The following KCNJ6 variants were observed in gnomAD, a reference collection of about 807,000 sequenced individuals.
KCNJ6 encodes the protein potassium inwardly rectifying channel subfamily J member 6.
KCNJ6 carries 9 observed loss-of-function variants against 34.2 expected under a neutral mutation model. The observed-to-expected ratio is 0.26, with a 90% CI of 0.16 to 0.46. The LOEUF (loss-of-function observed/expected upper bound fraction) is 0.46, where lower values mean the gene tolerates loss of function less well. KCNJ6 is among the 20% of genes least tolerant of loss of function. The probability of loss-of-function intolerance (pLI) is 1.00; values close to 1 mark genes in which losing one functional copy is unlikely to be tolerated. For missense variants in KCNJ6, 236 were observed against 531.3 expected, an observed-to-expected ratio of 0.44 and a Z score of 5.46; for synonymous variants, 196 against 207.1, an observed-to-expected ratio of 0.95 and a Z score of 0.46.
chr21:37,773,730 G>T (rs1190064313), intron 2 of KCNJ6, among the ~76,000 whole-genome samples: 1 of 152,120 alleles, frequency 6.6e-6, no homozygotes, highest in East Asian at 1.9e-4. Flanking sequence ...CTGCACCAGG[G>T]CTGACAGTAC....
At chr21:37,905,757 T>C (rs1601525427) in intron 1 of KCNJ6, among the ~76,000 whole-genome samples, 1 of 152,332 alleles carries the variant, frequency 6.6e-6, no homozygotes, top group Admixed American at 6.5e-5. Flanking sequence ...GGAACTGAAG[T>C]CAGGGCATTT....
At chr21:37,713,655 T>G (rs1042770615) in intron 3 of KCNJ6, among the ~76,000 whole-genome samples, 1 of 152,208 alleles carries the variant, frequency 6.6e-6, no homozygotes, top group African/African-American at 2.4e-5. Context: ...CTAGAGTTAT[T>G]TACTGTGTCT....
At chr21:37,899,544 A>T (rs867469982) in intron 1 of KCNJ6, among the ~76,000 whole-genome samples, 2 of 152,140 alleles carry the variant, frequency 1.3e-5, no homozygotes, top group Non-Finnish European at 1.5e-5. Context: ...ACACTCTTAA[A>T]ATCTCTTGTA....
intron 2 of KCNJ6, among the ~76,000 whole-genome samples, chr21:37,816,158 G>A (rs1287884417): frequency 1.3e-5 from 2 of 152,214 alleles, no homozygotes; most frequent in African/African-American, 2.4e-5. Flanking sequence ...CCAGGACTGG[G>A]GAGTCCAATG....
At chr21:37,722,029 A>G (rs1347394627) in intron 2 of KCNJ6, among the ~76,000 whole-genome samples, 2 of 152,230 alleles carry the variant, frequency 1.3e-5, no homozygotes, top group South Asian at 2.1e-4. Context: ...TGATAATATG[A>G]TTCTATACCT....
intron 1 of KCNJ6, among the ~76,000 whole-genome samples, chr21:37,859,115 A>G (rs1356271492): frequency 6.6e-6 from 1 of 152,168 alleles, no homozygotes; most frequent in Non-Finnish European, 1.5e-5. Context: ...AAGAACAATA[A>G]ACATATTTTT....
At chr21:37,694,587 A>C (rs997583215) in intron 3 of KCNJ6, among the ~76,000 whole-genome samples, 3 of 152,106 alleles carry the variant, frequency 2.0e-5, no homozygotes, top group African/African-American at 7.2e-5. Flanking sequence ...TGTGTCGGGG[A>C]ACTTATGTGG....
At chr21:37,649,299 TAGG>T (rs1438763862) in intron 3 of KCNJ6, among the ~76,000 whole-genome samples, 2 of 152,184 alleles carry the variant, frequency 1.3e-5, no homozygotes, top group East Asian at 3.9e-4. Context: ...CTGAGATTTC[TAGG>T]AGAAGGAGGT....
rs528570475 is a variant in KCNJ6, at chr21:37,715,726, G to T, written c.26-595C>A. ...AGGACTGGTATCCTTATGCGAAGAG[G>T]GAGAGACACCAGGGGTGCACACAAA... On this transcript the variant is annotated intron_variant, in intron 2 of 3. Coordinates refer to ENST00000609713, the MANE Select transcript of KCNJ6 (RefSeq NM_002240.5). 2.0e-5 allele frequency among the ~76,000 whole-genome samples: 3 copies of T among 152,292 alleles called. No individual in the cohort carries two copies. The South Asian group carries it at 6.2e-4, about 32-fold the overall frequency.
At chr21:37,726,120 G>A (rs769666303) in intron 2 of KCNJ6, among the ~76,000 whole-genome samples, 1 of 152,118 alleles carries the variant, frequency 6.6e-6, no homozygotes, top group Non-Finnish European at 1.5e-5. Flanking sequence ...TGGCCAGGCT[G>A]GTGTTGAACT....
At position 37,634,626 on chromosome 21, in the gene KCNJ6, G is replaced by T. The variant is rs149937394; in HGVS notation, c.947-9142C>A. ...CTAATAAGTAAATTACACATGCAGG[G>T]TCTAATATAGATGAATCTTAGAAAC... On this transcript the variant is annotated intron_variant, in intron 3 of 3. Coordinates refer to ENST00000609713, the MANE Select transcript of KCNJ6 (RefSeq NM_002240.5). Among the ~76,000 whole-genome samples the T allele has an allele frequency of 3.3e-3, 500 of 151,656 alleles. 5 individuals carry two copies. The highest frequency in any genetic ancestry group is 0.011 in the African/African-American group (444 of 41,444).
At chr21:37,835,596 G>C (rs921717785) in intron 2 of KCNJ6, among the ~76,000 whole-genome samples, 1 of 152,212 alleles carries the variant, frequency 6.6e-6, no homozygotes, top group Non-Finnish European at 1.5e-5. Context: ...CTATTTGCCT[G>C]CCTCTGGACA....
At chr21:37,740,391 C>T (rs1467377263) in intron 2 of KCNJ6, among the ~76,000 whole-genome samples, 1 of 152,152 alleles carries the variant, frequency 6.6e-6, no homozygotes, top group African/African-American at 2.4e-5. Flanking sequence ...GTCTCCACAT[C>T]TCTTATCGCA....
In KCNJ6 at chr21:37,716,855, T is replaced by C. The variant is rs951349917; in HGVS notation, c.26-1724A>G. ...ATTTATTTGGCCAATAATACTAAAGTCTTCTACAAGTTTGGTAAGAAATTT... is the reference window on the plus strand; with the variant it reads ...ATTTATTTGGCCAATAATACTAAAGCCTTCTACAAGTTTGGTAAGAAATTT... On this transcript the variant is annotated intron_variant, in intron 2 of 3. Transcript: ENST00000609713. Among the ~76,000 whole-genome samples, 3 of 152,338 alleles carry C rather than the reference T, an allele frequency of 2.0e-5. No individual in the cohort carries two copies. In the East Asian group the frequency reaches 5.8e-4, roughly 29 times the overall value.
chr21:37,814,715 G>A (rs148679488), intron 2 of KCNJ6, among the ~76,000 whole-genome samples: 2,617 of 152,060 alleles, frequency 0.017, 77 homozygotes, highest in African/African-American at 0.06. Context: ...TGGCTAACAC[G>A]GTGAAACGCT....
chr21:37,636,219 C>G (rs577919914), intron 3 of KCNJ6, among the ~76,000 whole-genome samples: 1 of 152,206 alleles, frequency 6.6e-6, no homozygotes, highest in East Asian at 1.9e-4. Context: ...CTTCTTTACT[C>G]ACTTCAGATT....
chr21:37,703,919 A>G (rs1025235045), intron 3 of KCNJ6, among the ~76,000 whole-genome samples: 1 of 152,200 alleles, frequency 6.6e-6, no homozygotes, highest in South Asian at 2.1e-4. Context: ...TAATTCATCC[A>G]CCAAACCCAG....
At chr21:37,740,280 C>T (rs147276483) in intron 2 of KCNJ6, among the ~76,000 whole-genome samples, 370 of 152,302 alleles carry the variant, frequency 2.4e-3, no homozygotes, top group African/African-American at 7.9e-3. Flanking sequence ...ACCTCTCTGG[C>T]ATTAACATCA....
At chr21:37,809,938 C>A (rs908845934) in intron 2 of KCNJ6, among the ~76,000 whole-genome samples, 4 of 152,248 alleles carry the variant, frequency 2.6e-5, no homozygotes, top group Admixed American at 2.6e-4. Context: ...TTCCAACCCA[C>A]CACCCCTGTC....
Sources: gnomAD v4.1 joint callset for allele counts (sites outside exome capture counted in the v4.1 genomes callset) on GRCh38, gnomAD v4.1.1 for gene constraint, MANE v1.5 for transcripts, NCBI Gene and HGNC (gene_info 2026-07-23, HGNC 2026-07-21) for gene names.